Variants in ZNF407 observed in about 807,000 individuals in gnomAD.
The protein encoded by ZNF407 is zinc finger protein 407.
In ZNF407, 17 loss-of-function variants were observed where a neutral mutation model predicts 131.2. That is an observed-to-expected ratio of 0.13 (90% confidence interval 0.09 to 0.19). ZNF407 has a LOEUF of 0.19. ZNF407 is among the 10% of genes least tolerant of loss of function. The pLI is 1.00. For synonymous variants in ZNF407, 1,156 were observed against 1,062.0 expected (o/e 1.09, Z -1.72); for missense variants, 2,681 against 2,830.6 (o/e 0.95, Z 1.20).
chr18:75,063,296 C>G lies in ZNF407; in HGVS notation c.5575C>G (p.Pro1859Ala). 6.2e-7 allele frequency: 1 copy of G among 1,613,698 alleles called. No individual in the cohort carries two copies. Among genetic ancestry groups the G allele is most frequent in the Non-Finnish European group, 8.5e-7 (1 of 1,179,882 alleles). ...CAGAAGCAGCAGGAGGCCAGCGCCG[C>G]CCCCTGAGCAGGTGCAGCAGGTCAT... ...PLRSSRRPAP[P>A]PEQVQQVIIF... is the part of the protein sequence containing the mutation. The change falls in exon 9 of 9, where the codon CCC becomes GCC. Residue 1859 changes from proline to alanine, a missense_variant. Physicochemically the swap from Pro to Ala is conservative, Grantham distance 27. This residue lies in a region of ZNF407 where 620 missense variants were observed against 583.1 expected (regional missense o/e 1.06). Transcript: ENST00000299687. This position sits in a 1 kb window ranked among gnomAD's most constrained non-coding sequence, Gnocchi z 6.6.
chr18:74,922,197 C>T (rs1394298898), intron 8 of ZNF407, among the ~76,000 whole-genome samples: 1 of 152,176 alleles, frequency 6.6e-6, no homozygotes, highest in African/African-American at 2.4e-5. Context: ...TATCTCTGGC[C>T]ATAAGTGCCT....
chr18:75,043,207 A>G (rs974945713), intron 8 of ZNF407, among the ~76,000 whole-genome samples: 1 of 152,166 alleles, frequency 6.6e-6, no homozygotes, highest in African/African-American at 2.4e-5. Flanking sequence ...AATTTTAGCC[A>G]TTCTAATGGG....
rs1026978596 is a variant in ZNF407, at chr18:75,053,891, C to T, written c.5429-9259C>T. Among the ~76,000 whole-genome samples, 74 of 152,300 alleles carry T rather than the reference C, an allele frequency of 4.9e-4. 1 individual carries two copies. The highest frequency in any genetic ancestry group is 1.7e-3 in the African/African-American group (70 of 41,580). ...CCTGTGTCCTCCCCTTGACTTGCTC[C>T]GCGGTGACAGCTCCTGAGGCTTTGC... On this transcript the variant is annotated intron_variant, in intron 8 of 8. Transcript: ENST00000299687.
intron 3 of ZNF407, among the ~76,000 whole-genome samples, chr18:74,717,739 T>C (rs1967929538): frequency 1.3e-5 from 2 of 152,194 alleles, no homozygotes; most frequent in Admixed American, 6.5e-5. Flanking sequence ...ACCAGATGTG[T>C]TTTGGATTTT....
At chr18:74,885,092 A>C (rs549046056) in intron 6 of ZNF407, among the ~76,000 whole-genome samples, 3 of 152,112 alleles carry the variant, frequency 2.0e-5, no homozygotes, top group Non-Finnish European at 4.4e-5. Context: ...AAATTGCTTG[A>C]CCACTTAGAC....
chr18:74,622,762 TTG>T (rs760278473), intron 1 of ZNF407, among the ~76,000 whole-genome samples: 1 of 151,022 alleles, frequency 6.6e-6, no homozygotes, highest in African/African-American at 2.4e-5. Flanking sequence ...GAATGAATAT[TTG>T]TGTGTGAGAG....
intron 4 of ZNF407, among the ~76,000 whole-genome samples, chr18:74,837,945 C>T (rs756600736): frequency 6.6e-6 from 1 of 152,182 alleles, no homozygotes; most frequent in Admixed American, 6.5e-5. Context: ...TGACCCACTG[C>T]GTCTGGAGCA....
At chr18:75,012,503 G>C (rs1259119453) in intron 8 of ZNF407, among the ~76,000 whole-genome samples, 1 of 152,014 alleles carries the variant, frequency 6.6e-6, no homozygotes, top group Non-Finnish European at 1.5e-5. Flanking sequence ...CTTTTCCAGT[G>C]TTACTACACT....
At chr18:74,683,843 A>G (rs538260865) in intron 3 of ZNF407, among the ~76,000 whole-genome samples, 3 of 152,336 alleles carry the variant, frequency 2.0e-5, no homozygotes, top group African/African-American at 7.2e-5. Context: ...AATTACTTGT[A>G]ATTAGGCTTC....
intron 3 of ZNF407, among the ~76,000 whole-genome samples, chr18:74,677,336 C>T (rs1191893168): frequency 1.3e-5 from 2 of 152,186 alleles, no homozygotes; most frequent in Non-Finnish European, 2.9e-5. Context: ...AGTGATCCAC[C>T]CACCTTGGCC....
intron 4 of ZNF407, among the ~76,000 whole-genome samples, chr18:74,803,166 C>G (rs1027881024): frequency 1.3e-5 from 2 of 152,164 alleles, no homozygotes; most frequent in Non-Finnish European, 2.9e-5. Flanking sequence ...CCTGTAACAG[C>G]CTTGTATTTC....
At chr18:74,598,212 G>C (rs950737052) in intron 1 of ZNF407, 1 of 152,386 alleles carries the variant, frequency 6.6e-6, no homozygotes, top group Non-Finnish European at 1.5e-5. Flanking sequence ...GGCCCCAGCT[G>C]CCGCCCTGCC....
chr18:74,716,192 G>A (rs573108017), intron 3 of ZNF407, among the ~76,000 whole-genome samples: 1 of 152,102 alleles, frequency 6.6e-6, no homozygotes, highest in African/African-American at 2.4e-5. Flanking sequence ...TGCTACATTC[G>A]TGAGGTTTTG....
At chr18:74,689,819 A>C (rs182074564) in intron 3 of ZNF407, among the ~76,000 whole-genome samples, 56 of 152,260 alleles carry the variant, frequency 3.7e-4, no homozygotes, top group East Asian at 9.7e-4. Context: ...CGGTATTTGT[A>C]GGTTGTGATG....
chr18:74,957,333 A>G (rs979463135), intron 8 of ZNF407, among the ~76,000 whole-genome samples: 2 of 152,130 alleles, frequency 1.3e-5, no homozygotes, highest in Admixed American at 1.3e-4. Context: ...CGCCCTTTCC[A>G]TAGGCAGATG....
chr18:74,872,409 T>C lies in ZNF407; in HGVS notation c.4878-4788T>C, dbSNP rs117611569. On this transcript the variant is annotated intron_variant, in intron 4 of 8. Coordinates refer to ENST00000299687, the MANE Select transcript of ZNF407 (RefSeq NM_017757.3). ...TGTATTATAATATTCCATTCTGTGA[T>C]TAAATTCATTGTTTGTCTACTCACA... Among the ~76,000 whole-genome samples the C allele has an allele frequency of 2.5e-3, 380 of 152,278 alleles. 2 individuals carry two copies. Among genetic ancestry groups the C allele is most frequent in the Non-Finnish European group, 3.6e-3 (243 of 68,028 alleles).
intron 3 of ZNF407, among the ~76,000 whole-genome samples, chr18:74,702,482 A>G (rs953866763): frequency 2.6e-5 from 4 of 152,278 alleles, no homozygotes; most frequent in Admixed American, 6.5e-5. Flanking sequence ...TTCTAAATAT[A>G]GATATTTTAC....
At position 74,682,315 on chromosome 18, in the gene ZNF407, A is replaced by C. The variant is rs148034088; in HGVS notation, c.4802+41193A>C. ...GTTCTTGGCATTGAAAATTGTGGTC[A>C]GAAAATCAAGGGAGTGGTGAGTCCT... On this transcript the variant is annotated intron_variant, in intron 3 of 8. Transcript: ENST00000299687. Among the ~76,000 whole-genome samples the C allele has an allele frequency of 6.0e-3, 907 of 152,374 alleles. 6 individuals are homozygous for C. Among genetic ancestry groups the C allele is most frequent in the Non-Finnish European group, 0.01 (692 of 68,044 alleles).
chr18:74,734,793 G>T (rs979779476), intron 3 of ZNF407, among the ~76,000 whole-genome samples: 1 of 151,854 alleles, frequency 6.6e-6, no homozygotes, highest in Non-Finnish European at 1.5e-5. Flanking sequence ...ACATTTAGTT[G>T]AGATGTTTCT....
Sources: gnomAD v4.1 joint callset for allele counts (sites outside exome capture counted in the v4.1 genomes callset) on GRCh38, gnomAD v4.1.1 for gene constraint, gnomAD v4.1.1 regional missense constraint, Gnocchi (gnomAD v3.1) non-coding constraint, MANE v1.5 for transcripts, NCBI Gene and HGNC (gene_info 2026-07-23, HGNC 2026-07-21) for gene names.